The following DNASE1L1 variants were observed in gnomAD, a reference collection of about 807,000 sequenced individuals.
DNASE1L1 encodes the protein deoxyribonuclease-1-like 1.
A neutral mutation model predicts 18.6 loss-of-function variants in DNASE1L1; 8 were observed. The ratio of observed to expected loss-of-function variants is 0.43; its 90% CI spans 0.25 to 0.78. The LOEUF is 0.78. DNASE1L1 is among the 30% of genes least tolerant of loss of function. The probability of loss-of-function intolerance (pLI) is 0.23; values close to 1 mark genes in which losing one functional copy is unlikely to be tolerated. For missense variants in DNASE1L1, 214 were observed against 258.2 expected, an observed-to-expected ratio of 0.83 and a Z score of 1.17; for synonymous variants, 114 against 114.2, an observed-to-expected ratio of 1.00 and a Z score of 0.01.
intron 5 of DNASE1L1, 61 bp downstream of exon 5, chrX:154,403,461 G>A: frequency 2.5e-6 from 3 of 1,195,421 alleles, no homozygotes; most frequent in Non-Finnish European, 3.4e-6. Context: ...GAAGCCCCCA[G>A]TGGAGCCAGC....
chrX:154,406,339 G>GTTCA (rs1178960705), intron 1 of DNASE1L1, among the ~76,000 whole-genome samples: 1 of 100,942 alleles, frequency 9.9e-6, no homozygotes, highest in Non-Finnish European at 2.0e-5. Context: ...ACCACATTTT[G>GTTCA]TTCATTCATT....
At chrX:154,404,802 T>G (rs1305161931) in intron 4 of DNASE1L1, 26 bp downstream of exon 4, 17 of 1,199,116 alleles carry the variant, frequency 1.4e-5, no homozygotes, top group Non-Finnish European at 1.8e-5. Context: ...CCCCCCACCC[T>G]GCTGCGCTGC....
At chrX:154,406,113 A>G (rs1487877512) in intron 1 of DNASE1L1, among the ~76,000 whole-genome samples, 3 of 107,285 alleles carry the variant, frequency 2.8e-5, no homozygotes, top group African/African-American at 1.0e-4. Context: ...CTGGGACTAC[A>G]GGTGCCTGCC....
chrX:154,406,110 T>G (rs2068145030), intron 1 of DNASE1L1, among the ~76,000 whole-genome samples: 1 of 107,513 alleles, frequency 9.3e-6, no homozygotes, highest in South Asian at 4.1e-4. Context: ...TAGCTGGGAC[T>G]ACAGGTGCCT....
At chrX:154,405,720 C>T (rs2068136558) in intron 1 of DNASE1L1, 65 bp from the exon 2 acceptor site, 2 of 477,327 alleles carry the variant, frequency 4.2e-6, no homozygotes, top group East Asian at 4.4e-5. Flanking sequence ...AGTGACCTCC[C>T]GAGATCATAC....
At chrX:154,406,727 C>A (rs1233764734) in intron 1 of DNASE1L1, among the ~76,000 whole-genome samples, 1 of 83,502 alleles carries the variant, frequency 1.2e-5, no homozygotes, top group African/African-American at 4.8e-5. Context: ...CCAGGCTGGT[C>A]TTGAACTCCT....
rs1344130269 is a variant in DNASE1L1 at position 154,402,101 on chromosome X, T to C, written c.*606A>G. ...GGACTTTACCAGGCATGCAGAAGCC[T>C]GTACCAACACAGACTACAGCACCCA... On this transcript the variant is annotated 3_prime_UTR_variant, in exon 8 of 8. Coordinates refer to ENST00000369807, the MANE Select transcript of DNASE1L1 (RefSeq NM_001303620.2). 2.6e-5 allele frequency: 3 copies of C among 113,463 alleles called. No homozygotes were observed. The highest frequency in any genetic ancestry group is 9.7e-5 in the African/African-American group (3 of 30,993). 9.4% of individuals were successfully genotyped at this position (113,463 alleles called of 1,213,427 possible).
At chrX:154,411,642 G>A, upstream of DNASE1L1, 1 of 481,064 alleles carries the variant, frequency 2.1e-6, no homozygotes, top group Non-Finnish European at 3.7e-6. Flanking sequence ...CCGCTCCCCA[G>A]TGACGAGAGA....
In DNASE1L1 at chrX:154,402,950, C is replaced by T. The variant is rs1198800756; in HGVS notation, c.766G>A (p.Glu256Lys). ...CAGCCCCATCCCTTCACCTCCTCCT[C>T]GGTGAGCTGGAAGCTCGTGGGGAAG... ...FDFPTSFQLTEEEALNISDHY... is the reference protein window; with the variant it reads ...FDFPTSFQLTKEEALNISDHY... Residue 256 changes from glutamate to lysine, a missense_variant, in exon 7 of 8, where the codon GAG becomes AAG. By Grantham distance (56) the Glu-to-Lys change is moderately conservative. Coordinates refer to ENST00000369807, the MANE Select transcript of DNASE1L1 (RefSeq NM_001303620.2). 7.4e-6 allele frequency: 9 copies of T among 1,210,121 alleles called. No homozygotes were observed. Among genetic ancestry groups the T allele is most frequent in the African/African-American group, 1.7e-5 (1 of 57,877 alleles).
intron 2 of DNASE1L1, 131 bp downstream of exon 2, chrX:154,405,303 G>A (rs1157860571): frequency 5.7e-5 from 59 of 1,041,094 alleles, no homozygotes; most frequent in East Asian, 4.7e-4. Context: ...GCAGGCAAGC[G>A]CCTGCGCTGC....
Position 154,403,139 on chromosome X carries a change from T to G in DNASE1L1, c.577A>C (p.Lys193Gln). 1.7e-6 allele frequency: 2 copies of G among 1,211,231 alleles called. No homozygotes were observed. Among genetic ancestry groups the G allele is most frequent in the Non-Finnish European group, 1.1e-6 (1 of 895,376 alleles). Residue 193 changes from lysine to glutamine, a missense_variant, in exon 7 of 8, where the codon AAG (lysine) becomes CAG (glutamine). By Grantham distance (53) the Lys-to-Gln change is moderately conservative (BLOSUM62 1). Transcript: ENST00000369807. ...FNADCASLTK[K>Q]RLDKLELRTE... ...CGCAGCTCCAGCTTGTCCAGGCGCT[T>G]TTTGGTCAGTGAAGCGCAGTCAGCA...
At chrX:154,411,464 G>A (rs2068283890), upstream of DNASE1L1, 1 of 211,156 alleles carries the variant, frequency 4.7e-6, no homozygotes, top group Non-Finnish European at 8.7e-6. Flanking sequence ...GCCGCCCCGG[G>A]GCTGGCCTCG....
chrX:154,405,754 A>G (rs1423371494), intron 1 of DNASE1L1, 99 bp from the exon 2 acceptor site: 1 of 337,677 alleles, frequency 3.0e-6, no homozygotes, highest in African/African-American at 2.8e-5. Context: ...CCTGGGTGAC[A>G]GAGTGAGACT....
Position 154,403,051 on chromosome X carries a change from G to C in DNASE1L1, c.665C>G (p.Thr222Ser). The C allele has an allele frequency of 8.3e-7, 1 of 1,211,878 alleles. No individual in the cohort carries two copies. Among genetic ancestry groups the C allele is most frequent in the South Asian group, 1.8e-5 (1 of 57,039 alleles). The change falls in exon 7 of 8, where the codon ACC (threonine) becomes AGC (serine). Residue 222 changes from threonine (T) to serine (S), a missense_variant. Physicochemically the swap from Thr to Ser is moderately conservative, Grantham distance 58 (BLOSUM62 1). Coordinates refer to ENST00000369807, the MANE Select transcript of DNASE1L1 (RefSeq NM_001303620.2). ...CACGACGCGGTCATAGGTGCAGTGGGTGCTGGCCCGCACTGTGGTGTCCTC... is the reference window on the plus strand; with the variant it reads ...CACGACGCGGTCATAGGTGCAGTGGCTGCTGGCCCGCACTGTGGTGTCCTC... ...DGEDTTVRAS[T>S]HCTYDRVVLH...
Position 154,402,966 on chromosome X carries a change from C to T in DNASE1L1, c.750G>A (p.Thr250=), listed in dbSNP as rs781807608. Residue 250 remains threonine (T), a synonymous_variant, in exon 7 of 8, where the codon ACG becomes ACA. Coordinates refer to ENST00000369807, the MANE Select transcript of DNASE1L1 (RefSeq NM_001303620.2). Reference sequence around the variant, plus strand: ...CCTCCTCCTCGGTGAGCTGGAAGCTCGTGGGGAAGTCAAAGGCAGCCGCAG... The same window carrying T: ...CCTCCTCCTCGGTGAGCTGGAAGCTTGTGGGGAAGTCAAAGGCAGCCGCAG... The part of the protein sequence containing the change: ...LHTAAAFDFP[T]SFQLTEEEAL... 10 of 1,210,666 alleles carry T rather than the reference C, an allele frequency of 8.3e-6. No individual in the cohort carries two copies. Among genetic ancestry groups the T allele is most frequent in the Admixed American group, 2.2e-5 (1 of 46,066 alleles).
chrX:154,402,898 C>A, intron 7 of DNASE1L1, 44 bp downstream of exon 7: 1 of 1,205,421 alleles, frequency 8.3e-7, no homozygotes, highest in Non-Finnish European at 1.1e-6. Context: ...TTCCCTGTGA[C>A]CCTGCTGCTG....
At chrX:154,403,746 C>T in intron 4 of DNASE1L1, 124 bp from the exon 5 acceptor site, 2 of 528,789 alleles carry the variant, frequency 3.8e-6, no homozygotes, top group Non-Finnish European at 6.4e-6. Context: ...CCCTCCCAAC[C>T]TGTCTCTAGA....
intron 1 of DNASE1L1, among the ~76,000 whole-genome samples, chrX:154,407,138 C>T (rs1255037604): frequency 9.5e-6 from 1 of 104,733 alleles, no homozygotes; most frequent in Non-Finnish European, 2.0e-5. Flanking sequence ...CTGCAGCCTC[C>T]TGAATTCTAT....
At chrX:154,408,495 C>T (rs1223819931) in intron 1 of DNASE1L1, 1 of 111,496 alleles carries the variant, frequency 9.0e-6, no homozygotes, top group Non-Finnish European at 1.9e-5. Flanking sequence ...ACTGGGGAGC[C>T]CTTCTTGTTC....
Sources: gnomAD v4.1 joint callset for allele counts (sites outside exome capture counted in the v4.1 genomes callset) on GRCh38, gnomAD v4.1.1 for gene constraint, MANE v1.5 for transcripts, NCBI Gene and HGNC (gene_info 2026-07-23, HGNC 2026-07-21) for gene names.